Variants in MND1 observed in about 807,000 individuals in gnomAD.
MND1 encodes meiotic nuclear division protein 1 homolog.
MND1 carries 28 observed loss-of-function variants against 35.1 expected under a neutral mutation model. That is an observed-to-expected ratio of 0.80 (90% CI 0.59 to 1.09). The LOEUF (loss-of-function observed/expected upper bound fraction) is 1.09, where lower values mean the gene tolerates loss of function less well. Among genes scored for constraint, MND1 ranks in the 50% least tolerant of loss-of-function variants. The pLI is 0.00. For synonymous variants in MND1, 69 were observed against 70.5 expected (o/e 0.98, Z 0.11); for missense variants, 213 against 239.6 (o/e 0.89, Z 0.73).
chr4:153,385,455 C>T (rs1451721851), intron 4 of MND1, among the ~76,000 whole-genome samples: 1 of 152,078 alleles, frequency 6.6e-6, no homozygotes, highest in Admixed American at 6.6e-5. Flanking sequence ...GTGGCTCATG[C>T]CTGTAATACC....
intron 4 of MND1, among the ~76,000 whole-genome samples, chr4:153,362,571 T>G (rs1019490758): frequency 9.2e-5 from 14 of 152,320 alleles, no homozygotes; most frequent in African/African-American, 3.4e-4. Flanking sequence ...CTTTATAAAT[T>G]ACCCAGTCTC....
intron 4 of MND1, among the ~76,000 whole-genome samples, chr4:153,383,999 G>A (rs1418898172): frequency 6.6e-6 from 1 of 152,086 alleles, no homozygotes; most frequent in African/African-American, 2.4e-5. Context: ...AAGTTTATAT[G>A]TAACTTCCTT....
chr4:153,361,532 T>TA (rs1561058875), intron 4 of MND1: 1 of 456,250 alleles, frequency 2.2e-6, no homozygotes, highest in Non-Finnish European at 4.4e-6. Context: ...ATGAAATAAT[T>TA]AAAGTCTCCT....
At chr4:153,362,940 A>G (rs1020047454) in intron 4 of MND1, 4 of 906,468 alleles carry the variant, frequency 4.4e-6, no homozygotes, top group Non-Finnish European at 5.3e-6. Context: ...AAAATTTAGT[A>G]TGCATGTCTA....
rs561004288 is a variant in MND1 at position 153,384,443 on chromosome 4, A to ATTTTTTTTTTTTT, written c.277-9802_277-9790dup. On this transcript the variant is annotated intron_variant, in intron 4 of 7. Transcript: ENST00000240488. ...TGCCACCATGCCCAGCTAATGTTTAATTTTTTTTTTTTTTTTTTTTTTTTT... is the reference window on the plus strand; with the variant it reads ...TGCCACCATGCCCAGCTAATGTTTAATTTTTTTTTTTTTTTTTTTTTTTTTTTTTTTTTTTTTT... Among the ~76,000 whole-genome samples, 122 of 63,188 alleles carry ATTTTTTTTTTTTT rather than the reference A, an allele frequency of 1.9e-3. 11 individuals carry two copies. Among genetic ancestry groups the ATTTTTTTTTTTTT allele is most frequent in the East Asian group, 4.1e-3 (7 of 1,700 alleles). The allele number at this position is 63,188 out of a possible 152,430, so 41.5% of individuals were successfully genotyped here. A position where few individuals can be genotyped will look rare whatever the true frequency, so the allele number is the denominator to read the frequency against.
chr4:153,369,466 A>G (rs1208694217), intron 4 of MND1, among the ~76,000 whole-genome samples: 1 of 152,272 alleles, frequency 6.6e-6, no homozygotes, highest in East Asian at 1.9e-4. Flanking sequence ...TAAAGTGAGG[A>G]CAGAAACTTT....
chr4:153,348,019 A>G (rs1773115404), intron 1 of MND1, among the ~76,000 whole-genome samples: 1 of 152,142 alleles, frequency 6.6e-6, no homozygotes, highest in African/African-American at 2.4e-5. Flanking sequence ...AAAAGGTCTT[A>G]TTTATGTTTT....
chr4:153,355,575 TA>T, intron 2 of MND1, 78 bp from the exon 3 acceptor site: 1 of 849,044 alleles, frequency 1.2e-6, no homozygotes, highest in Non-Finnish European at 1.9e-6. Context: ...GTACCCATAA[TA>T]AAAATTTTTA....
chr4:153,347,622 G>T (rs985959458), intron 1 of MND1, among the ~76,000 whole-genome samples: 1 of 152,186 alleles, frequency 6.6e-6, no homozygotes, highest in Non-Finnish European at 1.5e-5. Flanking sequence ...TCAATGTAGT[G>T]AGTGATTTGA....
At chr4:153,360,190 T>A (rs577790548) in intron 4 of MND1, among the ~76,000 whole-genome samples, 30 of 152,338 alleles carry the variant, frequency 2.0e-4, no homozygotes, top group African/African-American at 7.2e-4. Flanking sequence ...TTATTGAGTT[T>A]TAAGAGTTCT....
At chr4:153,368,169 A>C (rs1311445301) in intron 4 of MND1, among the ~76,000 whole-genome samples, 1 of 152,096 alleles carries the variant, frequency 6.6e-6, no homozygotes, top group Admixed American at 6.5e-5. Flanking sequence ...CCCTGTCTTC[A>C]TGTTTTTTTG....
At position 153,380,288 on chromosome 4, in the gene MND1, T is replaced by A. The variant is rs1488231103; in HGVS notation, c.277-13974T>A. ...TCCCACCACACATTGATATCAGAGG[T>A]CTGGACTAGATTTCTTTTTTTTTGG... On this transcript the variant is annotated intron_variant, in intron 4 of 7. Coordinates refer to ENST00000240488, the MANE Select transcript of MND1 (RefSeq NM_032117.4). 2.6e-5 allele frequency among the ~76,000 whole-genome samples: 4 copies of A among 152,204 alleles called. No individual in the cohort carries two copies. The East Asian group carries it at 7.7e-4, about 29-fold the overall frequency.
chr4:153,371,004 A>G (rs1232233052), intron 4 of MND1, among the ~76,000 whole-genome samples: 1 of 152,116 alleles, frequency 6.6e-6, no homozygotes, highest in Admixed American at 6.5e-5. Flanking sequence ...ATATTGTGTT[A>G]TTAGGCATGA....
chr4:153,408,920 A>G, intron 6 of MND1, 51 bp from the exon 7 acceptor site: 3 of 553,068 alleles, frequency 5.4e-6, no homozygotes, highest in African/African-American at 4.1e-5. Flanking sequence ...GTGTATATAT[A>G]TATATATATA....
At chr4:153,373,782 G>T (rs1029070479) in intron 4 of MND1, among the ~76,000 whole-genome samples, 4 of 152,154 alleles carry the variant, frequency 2.6e-5, no homozygotes, top group African/African-American at 9.7e-5. Context: ...TTTCTAAAAG[G>T]TTGATAGCCC....
chr4:153,353,845 G>A (rs1773278727), intron 2 of MND1, among the ~76,000 whole-genome samples: 1 of 151,932 alleles, frequency 6.6e-6, no homozygotes, highest in Non-Finnish European at 1.5e-5. Context: ...TCAGTCTCTC[G>A]AGTAGCTGGG....
At chr4:153,365,399 A>G (rs1221637923) in intron 4 of MND1, among the ~76,000 whole-genome samples, 1 of 152,156 alleles carries the variant, frequency 6.6e-6, no homozygotes, top group Non-Finnish European at 1.5e-5. Context: ...AATAACAACA[A>G]ATTTATTGAA....
chr4:153,350,949 A>C (rs10030252), intron 2 of MND1, among the ~76,000 whole-genome samples: 1 of 117,588 alleles, frequency 8.5e-6, no homozygotes, highest in South Asian at 2.8e-4. Context: ...GCAGATTCTT[A>C]GTAAAAAAAA....
At chr4:153,394,471 C>T (rs570074804) in intron 5 of MND1, 135 bp downstream of exon 5, 32 of 594,086 alleles carry the variant, frequency 5.4e-5, no homozygotes, top group Admixed American at 1.7e-4. Flanking sequence ...GAACGTTTGA[C>T]CTGGTAGGAT....
Sources: allele counts gnomAD v4.1 joint callset (sites outside exome capture counted in the v4.1 genomes callset), GRCh38; gene constraint gnomAD v4.1.1; transcripts MANE v1.5; gene names NCBI Gene and HGNC (gene_info 2026-07-23, HGNC 2026-07-21).